Variants in DAB1 observed in about 807,000 individuals in gnomAD.
DAB1 encodes the protein disabled homolog 1.
Under a neutral mutation model 64.6 loss-of-function variants are expected in DAB1, and 15 were observed. That is an observed-to-expected ratio of 0.23 (90% CI 0.16 to 0.36). The LOEUF is 0.36. DAB1 is among the 10% of genes least tolerant of loss of function. DAB1 has a pLI of 1.00. For missense variants in DAB1, 596 were observed against 706.7 expected (o/e 0.84, Z 1.78); for synonymous variants, 235 against 251.9 (o/e 0.93, Z 0.64).
chr1:57,084,586 A>G (rs1652868322), intron 4 of DAB1, among the ~76,000 whole-genome samples: 1 of 152,226 alleles, frequency 6.6e-6, no homozygotes, highest in Non-Finnish European at 1.5e-5. Context: ...AAGGGTTAAA[A>G]GAAACCAACA....
chr1:57,595,935 C>A (rs1225918279), intron 7 of DAB1, among the ~76,000 whole-genome samples: 1 of 152,126 alleles, frequency 6.6e-6, no homozygotes, highest in Admixed American at 6.5e-5. Context: ...TCCTGTATAG[C>A]CTGCAGAATT....
chr1:57,057,392 A>G (rs1196262921), intron 9 of DAB1, among the ~76,000 whole-genome samples: 1 of 152,156 alleles, frequency 6.6e-6, no homozygotes, highest in Non-Finnish European at 1.5e-5. Flanking sequence ...TCTGTAGCCA[A>G]ATGTAGTTTG....
chr1:58,044,463 C>G (rs1647197382), intron 5 of DAB1, among the ~76,000 whole-genome samples: 1 of 151,616 alleles, frequency 6.6e-6, no homozygotes, highest in East Asian at 1.9e-4. Context: ...GCGACCAACT[C>G]CTTTATTGAA....
intron 7 of DAB1, among the ~76,000 whole-genome samples, chr1:57,459,865 G>A (rs1455471675): frequency 2.0e-5 from 3 of 152,186 alleles, no homozygotes; most frequent in African/African-American, 4.8e-5. Context: ...GGCATCAAGG[G>A]AAGTGGAATT....
chr1:57,735,812 C>T (rs568963815), intron 6 of DAB1, among the ~76,000 whole-genome samples: 142 of 152,128 alleles, frequency 9.3e-4, no homozygotes, highest in Non-Finnish European at 1.7e-3. Flanking sequence ...ATAATTCTTC[C>T]TCCCATCAGA....
intron 6 of DAB1, among the ~76,000 whole-genome samples, chr1:57,669,481 A>G (rs1263761957): frequency 5.9e-5 from 9 of 152,128 alleles, no homozygotes; most frequent in African/African-American, 2.2e-4. Flanking sequence ...GCCCGCCATG[A>G]AAATTGTTCT....
chr1:57,881,924 C>A (rs1395464691), intron 1 of DAB1, among the ~76,000 whole-genome samples: 3 of 152,126 alleles, frequency 2.0e-5, no homozygotes, highest in Admixed American at 1.3e-4. Flanking sequence ...TGGCTTTAAA[C>A]CTTTTAGAAA....
chr1:57,021,964 C>T (rs746608305), intron 11 of DAB1, among the ~76,000 whole-genome samples: 7 of 152,162 alleles, frequency 4.6e-5, no homozygotes, highest in Admixed American at 1.3e-4. Flanking sequence ...CACTCAAAAG[C>T]CCCCATGCTC....
At chr1:58,297,735 G>C (rs1004140219) in intron 4 of DAB1, among the ~76,000 whole-genome samples, 1 of 152,182 alleles carries the variant, frequency 6.6e-6, no homozygotes. Context: ...ATTAGAGAAG[G>C]CTTCCTGAAA....
intron 7 of DAB1, among the ~76,000 whole-genome samples, chr1:57,578,980 G>C (rs188143314): frequency 6.6e-6 from 1 of 152,314 alleles, no homozygotes; most frequent in Admixed American, 6.5e-5. Context: ...CAAAGCTCCA[G>C]CTACTTTGGA....
intron 4 of DAB1, among the ~76,000 whole-genome samples, chr1:58,308,227 G>C (rs1017646794): frequency 3.3e-5 from 5 of 152,116 alleles, no homozygotes; most frequent in Non-Finnish European, 7.4e-5. Context: ...AGATTGCTGG[G>C]AAGGCCTGAC....
intron 9 of DAB1, among the ~76,000 whole-genome samples, chr1:57,037,377 T>C (rs1647203941): frequency 6.6e-6 from 1 of 152,178 alleles, no homozygotes; most frequent in South Asian, 2.1e-4. Flanking sequence ...TTTCATAAGG[T>C]CAGAGCAGAG....
At chr1:57,653,371 C>G (rs1439782595) in intron 6 of DAB1, among the ~76,000 whole-genome samples, 1 of 152,044 alleles carries the variant, frequency 6.6e-6, no homozygotes, top group African/African-American at 2.4e-5. Flanking sequence ...CCTATTTTTT[C>G]TAATATTATA....
intron 7 of DAB1, among the ~76,000 whole-genome samples, chr1:57,598,050 T>C (rs545927329): frequency 6.6e-6 from 1 of 152,366 alleles, no homozygotes; most frequent in South Asian, 2.1e-4. Context: ...TGGCACGATC[T>C]TGGCTCACTG....
chr1:57,748,534 T>C, intron 6 of DAB1, among the ~76,000 whole-genome samples: 1 of 128,860 alleles, frequency 7.8e-6, no homozygotes, highest in East Asian at 2.0e-4. Flanking sequence ...TTTAATTGGA[T>C]ATCACTAGTG....
intron 4 of DAB1, among the ~76,000 whole-genome samples, chr1:58,230,699 G>A (rs906815344): frequency 6.6e-5 from 10 of 152,182 alleles, no homozygotes; most frequent in Non-Finnish European, 1.0e-4. Flanking sequence ...TCACTGCTTC[G>A]TCAGAAGCAG....
intron 9 of DAB1, among the ~76,000 whole-genome samples, chr1:57,049,540 G>A (rs967185848): frequency 4.0e-5 from 6 of 150,512 alleles, no homozygotes; most frequent in Non-Finnish European, 7.4e-5. Context: ...GAGACAGGGT[G>A]CTTGGTCCCT....
chr1:57,732,327 C>T (rs1230761839), intron 6 of DAB1, among the ~76,000 whole-genome samples: 4 of 152,166 alleles, frequency 2.6e-5, no homozygotes, highest in African/African-American at 7.2e-5. Context: ...GCACTGAAGG[C>T]AAACTCCACT....
At chr1:58,006,560 A>G (rs934812846) in intron 5 of DAB1, among the ~76,000 whole-genome samples, 5 of 152,228 alleles carry the variant, frequency 3.3e-5, no homozygotes, top group Non-Finnish European at 5.9e-5. Context: ...TCTTTGCACT[A>G]CAAGGATTTT....
Sources: gnomAD v4.1 joint callset for allele counts (sites outside exome capture counted in the v4.1 genomes callset) on GRCh38, gnomAD v4.1.1 for gene constraint, MANE v1.5 for transcripts, NCBI Gene and HGNC (gene_info 2026-07-23, HGNC 2026-07-21) for gene names.